TDRD9: variants seen among roughly 807,000 people sequenced by gnomAD.
TDRD9 encodes the protein tudor domain containing 9, also known as ATP-dependent RNA helicase TDRD9.
TDRD9 carries 124 observed loss-of-function variants against 172.6 expected under a neutral mutation model. That is an observed-to-expected ratio of 0.72 (90% CI 0.62 to 0.83). The LOEUF (loss-of-function observed/expected upper bound fraction) is 0.83, where lower values mean the gene tolerates loss of function less well. Among genes scored for constraint, TDRD9 ranks in the 40% least tolerant of loss-of-function variants. The pLI is 0.00. For missense variants in TDRD9, 1,479 were observed against 1,714.1 expected, an observed-to-expected ratio of 0.86 and a Z score of 2.42; for synonymous variants, 619 against 617.1, an observed-to-expected ratio of 1.00 and a Z score of -0.05.
At chr14:103,998,351 G>A (rs1000366562) in intron 12 of TDRD9, among the ~76,000 whole-genome samples, 3 of 151,966 alleles carry the variant, frequency 2.0e-5, no homozygotes, top group East Asian at 1.9e-4. Context: ...TTACTCTTTC[G>A]GGTGCAGTCC....
At chr14:103,986,952 A>G (rs1312312131) in intron 8 of TDRD9, among the ~76,000 whole-genome samples, 1 of 152,088 alleles carries the variant, frequency 6.6e-6, no homozygotes. Context: ...TGTCTCTACT[A>G]AAATACAAAA....
chr14:103,975,445 T>A lies in TDRD9; in HGVS notation c.903T>A (p.Val301=). 1 of 1,613,982 alleles carries A rather than the reference T, an allele frequency of 6.2e-7. No individual in the cohort carries two copies. The highest frequency in any genetic ancestry group is 1.1e-5 in the South Asian group (1 of 91,078). ...SCKEFADYFA[V]PVQNKMNPAY... ...AAGAGTTTGCAGACTACTTTGCTGT[T>A]CCTGTTCAAAACAAGATGAATCCTG... Residue 301 remains valine (V), a synonymous_variant, in exon 7 of 36, where the codon GTT becomes GTA. Coordinates refer to ENST00000409874, the MANE Select transcript of TDRD9 (RefSeq NM_153046.3).
At chr14:104,038,897 T>C (rs546340770) in intron 32 of TDRD9, among the ~76,000 whole-genome samples, 74 of 152,314 alleles carry the variant, frequency 4.9e-4, no homozygotes, top group African/African-American at 1.6e-3. Context: ...CTCAAACTCT[T>C]GGCCTCAAGT....
chr14:103,998,785 C>T, intron 13 of TDRD9, 57 bp downstream of exon 13: 1 of 863,442 alleles, frequency 1.2e-6, no homozygotes, highest in Non-Finnish European at 1.9e-6. Context: ...GTGGCACATT[C>T]AGGTGCTTTT....
At chr14:103,982,903 A>AAAAAC (rs1300188355) in intron 7 of TDRD9, among the ~76,000 whole-genome samples, 2 of 152,170 alleles carry the variant, frequency 1.3e-5, no homozygotes, top group Non-Finnish European at 2.9e-5. Flanking sequence ...CTCCGTTTCA[A>AAAAAC]AAAACAAAAC....
At chr14:104,005,202 C>A in intron 14 of TDRD9, 72 bp from the exon 15 acceptor site, 1 of 1,514,412 alleles carries the variant, frequency 6.6e-7, no homozygotes, top group Non-Finnish European at 9.1e-7. Flanking sequence ...CCCTCTGAAG[C>A]ACTGGTTATG....
chr14:103,941,176 C>G (rs1280290025), intron 1 of TDRD9: 3 of 1,217,112 alleles, frequency 2.5e-6, no homozygotes, highest in Non-Finnish European at 3.4e-6. Flanking sequence ...CAAAATACAG[C>G]TTGAATAATG....
chr14:103,938,434 A>AT (rs1167863822), intron 1 of TDRD9, among the ~76,000 whole-genome samples: 4,226 of 34,092 alleles, frequency 0.12, 322 homozygotes, highest in East Asian at 0.25. Flanking sequence ...ATATATATAT[A>AT]TATATATTTT....
Position 104,026,846 on chromosome 14 carries a change from C to A in TDRD9, c.3189C>A (p.Tyr1063Ter). Reference sequence around the variant, plus strand: ...ACAGCGTCCTGCACGTGGATGTGTACCAGTACTCAGGGGTCCAGGATGCCA... The same window carrying A: ...ACAGCGTCCTGCACGTGGATGTGTAACAGTACTCAGGGGTCCAGGATGCCA... Reference protein sequence around the residue: ...VVHSVLHVDVYQYSGVQDAIN... With the variant: ...VVHSVLHVDV The change falls in exon 28 of 36, where the codon TAC becomes TAA. Residue 1063 changes from tyrosine (Y) to a stop codon, truncating the protein, a stop_gained. Transcript: ENST00000409874. LOFTEE classifies it high-confidence loss of function. 6.2e-7 allele frequency: 1 copy of A among 1,614,016 alleles called. No individual in the cohort carries two copies. The highest frequency in any genetic ancestry group is 8.5e-7 in the Non-Finnish European group (1 of 1,179,890).
At chr14:104,029,432 G>A (rs2152249106) in intron 28 of TDRD9, among the ~76,000 whole-genome samples, 1 of 152,138 alleles carries the variant, frequency 6.6e-6, no homozygotes, top group South Asian at 2.1e-4. Context: ...TTTTATTTTT[G>A]TAGGTATTGT....
intron 20 of TDRD9, among the ~76,000 whole-genome samples, chr14:104,009,149 T>C (rs2034533632): frequency 6.6e-6 from 1 of 152,202 alleles, no homozygotes; most frequent in African/African-American, 2.4e-5. Context: ...GTGACTGTAT[T>C]GAACACTGTA....
intron 7 of TDRD9, among the ~76,000 whole-genome samples, chr14:103,979,199 G>A (rs1413560170): frequency 6.6e-6 from 1 of 152,132 alleles, no homozygotes; most frequent in Non-Finnish European, 1.5e-5. Context: ...TTTCATCCAT[G>A]TTGTTGCAAA....
rs2035058730 is a variant in TDRD9, at chr14:104,024,608, G to A, written c.2646G>A (p.Met882Ile). Residue 882 changes from methionine (M) to isoleucine (I), a missense_variant, in exon 25 of 36, where the codon ATG (methionine) becomes ATA (isoleucine). By Grantham distance (10) the Met-to-Ile change is conservative. Coordinates refer to ENST00000409874, the MANE Select transcript of TDRD9 (RefSeq NM_153046.3). Reference sequence around the variant, plus strand: ...TCCAGAAGCAGACGGTAGATCCTATGCAAGTCTCCTTTAACACATCAGACA... The same window carrying A: ...TCCAGAAGCAGACGGTAGATCCTATACAAGTCTCCTTTAACACATCAGACA... ...VDFQKQTVDP[M>I]QVSFNTSDRS... 6.2e-7 allele frequency: 1 copy of A among 1,612,716 alleles called. No homozygotes were observed. The highest frequency in any genetic ancestry group is 8.5e-7 in the Non-Finnish European group (1 of 1,179,250).
At chr14:104,048,287 G>C (rs771888788) in intron 34 of TDRD9, among the ~76,000 whole-genome samples, 19 of 152,152 alleles carry the variant, frequency 1.2e-4, no homozygotes, top group Admixed American at 3.9e-4. Context: ...TGCCTAAGCT[G>C]GAGTGCAGTG....
intron 18 of TDRD9, 71 bp downstream of exon 18, chr14:104,006,916 A>G (rs4900607): frequency 0.4 from 515,914 of 1,305,228 alleles, 104,024 homozygotes; most frequent in Admixed American, 0.55. Flanking sequence ...TACCACAAAC[A>G]TATGAGGTAG....
intron 22 of TDRD9, among the ~76,000 whole-genome samples, chr14:104,016,780 G>A (rs2034806488): frequency 6.6e-6 from 1 of 152,178 alleles, no homozygotes; most frequent in Non-Finnish European, 1.5e-5. Flanking sequence ...CTGATAAGGC[G>A]GGGTGAGAAG....
intron 20 of TDRD9, among the ~76,000 whole-genome samples, chr14:104,011,951 C>T (rs2034625665): frequency 6.6e-6 from 1 of 151,980 alleles, no homozygotes; most frequent in African/African-American, 2.4e-5. Context: ...CCTGGAGAGA[C>T]CAGGTGCAGG....
intron 33 of TDRD9, among the ~76,000 whole-genome samples, chr14:104,040,787 T>G (rs2035590794): frequency 6.6e-6 from 1 of 152,222 alleles, no homozygotes; most frequent in Non-Finnish European, 1.5e-5. Context: ...AGAGCTGAGC[T>G]GCTTGCAGCA....
intron 6 of TDRD9, among the ~76,000 whole-genome samples, chr14:103,971,957 G>C (rs1308638941): frequency 6.6e-6 from 1 of 152,174 alleles, no homozygotes; most frequent in African/African-American, 2.4e-5. Context: ...AGGAGATCAA[G>C]ACCAGCCTGG....
Sources: allele counts gnomAD v4.1 joint callset (sites outside exome capture counted in the v4.1 genomes callset), GRCh38; gene constraint gnomAD v4.1.1; transcripts MANE v1.5; gene names NCBI Gene and HGNC (gene_info 2026-07-23, HGNC 2026-07-21).